The following PIK3C2G variants were observed in gnomAD, a reference collection of about 807,000 sequenced individuals.
PIK3C2G encodes the protein phosphatidylinositol 3-kinase C2 domain-containing subunit gamma.
Under a neutral mutation model 181.1 loss-of-function variants are expected in PIK3C2G, and 168 were observed. That is an observed-to-expected ratio of 0.93 (90% confidence interval 0.82 to 1.05). PIK3C2G has a LOEUF of 1.05. Ranked by LOEUF, PIK3C2G falls within the 50% of genes least tolerant of loss-of-function variation. The pLI, the probability that PIK3C2G is intolerant of heterozygous loss-of-function variation, is 0.00. For missense variants in PIK3C2G, 1,869 were observed against 1,732.8 expected (o/e 1.08, Z -1.40); for synonymous variants, 573 against 592.2 (o/e 0.97, Z 0.47).
At chr12:18,373,226 T>A (rs933597421) in intron 13 of PIK3C2G, among the ~76,000 whole-genome samples, 1 of 152,176 alleles carries the variant, frequency 6.6e-6, no homozygotes, top group South Asian at 2.1e-4. Context: ...TCACAGCAAA[T>A]TGGTGACTGA....
intron 18 of PIK3C2G, among the ~76,000 whole-genome samples, chr12:18,474,282 T>C (rs545133181): frequency 1.3e-5 from 2 of 152,238 alleles, no homozygotes; most frequent in East Asian, 1.9e-4. Flanking sequence ...AACTCAGATA[T>C]AGCCAACTCC....
intron 22 of PIK3C2G, among the ~76,000 whole-genome samples, chr12:18,499,872 A>T (rs1941289132): frequency 6.6e-6 from 1 of 152,230 alleles, no homozygotes; most frequent in Admixed American, 6.5e-5. Flanking sequence ...AGAAATGCAG[A>T]ATCTCAGGCC....
At chr12:18,623,101 T>A (rs1024603840) in intron 31 of PIK3C2G, among the ~76,000 whole-genome samples, 1 of 151,818 alleles carries the variant, frequency 6.6e-6, no homozygotes, top group Non-Finnish European at 1.5e-5. Context: ...TGGGATCAAA[T>A]CTAAAAAATC....
intron 13 of PIK3C2G, among the ~76,000 whole-genome samples, chr12:18,376,276 G>T (rs1281365395): frequency 6.6e-6 from 1 of 152,192 alleles, no homozygotes; most frequent in Admixed American, 6.5e-5. Flanking sequence ...TGGAATGTGG[G>T]ATATGGAGTC....
At chr12:18,335,165 G>A (rs1394426536) in intron 8 of PIK3C2G, among the ~76,000 whole-genome samples, 1 of 152,040 alleles carries the variant, frequency 6.6e-6, no homozygotes, top group East Asian at 1.9e-4. Context: ...TTTACAGGTG[G>A]CTGCTATCCA....
chr12:18,466,791 C>CT (rs574369757), intron 18 of PIK3C2G, among the ~76,000 whole-genome samples: 1 of 152,066 alleles, frequency 6.6e-6, no homozygotes, highest in South Asian at 2.1e-4. Context: ...TAAGATGACT[C>CT]TAAGGTCAGA....
chr12:18,274,684 A>T (rs1184634812), intron 1 of PIK3C2G, among the ~76,000 whole-genome samples: 3 of 152,200 alleles, frequency 2.0e-5, no homozygotes, highest in African/African-American at 7.2e-5. Flanking sequence ...GGATAGCATT[A>T]GGAGATACAC....
chr12:18,445,286 G>C (rs1282802353), intron 18 of PIK3C2G, among the ~76,000 whole-genome samples: 1 of 151,990 alleles, frequency 6.6e-6, no homozygotes, highest in East Asian at 1.9e-4. Flanking sequence ...ACCCATAAAA[G>C]TGGTTTAAGA....
intron 16 of PIK3C2G, among the ~76,000 whole-genome samples, chr12:18,410,887 C>T (rs948030209): frequency 5.3e-5 from 8 of 152,066 alleles, no homozygotes; most frequent in South Asian, 2.1e-4. Context: ...GTAAAATCAA[C>T]GTGTAATTAT....
chr12:18,293,160 A>G (rs1949785666), intron 4 of PIK3C2G, among the ~76,000 whole-genome samples: 1 of 152,114 alleles, frequency 6.6e-6, no homozygotes, highest in African/African-American at 2.4e-5. Flanking sequence ...ACACTTTTAA[A>G]TTTACTGGCC....
At position 18,507,879 on chromosome 12, in the gene PIK3C2G, G is replaced by A. The variant is rs1941943105; in HGVS notation, c.3323+2418G>A. ...AAGTTCATATACCACGGTCTGTAGA[G>A]AATATCAAGCTCCAGTTTAGCTGCT... On this transcript the variant is annotated intron_variant, in intron 24 of 32. Coordinates refer to ENST00000538779, the MANE Select transcript of PIK3C2G (RefSeq NM_001288772.2). 2.6e-5 allele frequency among the ~76,000 whole-genome samples: 4 copies of A among 152,298 alleles called. No individual in the cohort carries two copies. The South Asian group carries it at 8.3e-4, about 32-fold the overall frequency.
chr12:18,701,606 ATCCTCCTCCTCCTCCTCCTCCTCCTCC>A, the PIK3C2G span: 8 of 1,524,970 alleles, frequency 5.2e-6, no homozygotes, highest in East Asian at 2.4e-5. Flanking sequence ...CTTTGAATTT[ATCCTCCTCCTCCTCCTCCTCCTCCTCC>A]TCCTCCTCCT....
intron 32 of PIK3C2G, among the ~76,000 whole-genome samples, chr12:18,646,167 T>C (rs1295373519): frequency 6.6e-6 from 1 of 152,192 alleles, no homozygotes; most frequent in African/African-American, 2.4e-5. Context: ...GAAAACTCAA[T>C]AGATGAAATG....
At chr12:18,500,242 G>A (rs1054836634) in intron 22 of PIK3C2G, among the ~76,000 whole-genome samples, 18 of 151,800 alleles carry the variant, frequency 1.2e-4, no homozygotes, top group African/African-American at 4.4e-4. Context: ...CACTCGGAGC[G>A]GCCGGCCGGC....
At chr12:18,664,280 C>T in the PIK3C2G span, among the ~76,000 whole-genome samples, 1 of 152,004 alleles carries the variant, frequency 6.6e-6, no homozygotes, top group African/African-American at 2.4e-5. Context: ...GAATATATAC[C>T]AAAAAACACT....
At chr12:18,712,197 A>C in the PIK3C2G span, among the ~76,000 whole-genome samples, 3 of 152,148 alleles carry the variant, frequency 2.0e-5, no homozygotes, top group South Asian at 6.2e-4. Context: ...TTACAAAAAC[A>C]ACACAATGTC....
Position 18,480,112 on chromosome 12 carries a change from C to A in PIK3C2G, c.2505-8337C>A, listed in dbSNP as rs373542667. Among the ~76,000 whole-genome samples, 745 of 152,094 alleles carry A rather than the reference C, an allele frequency of 4.9e-3. 3 individuals are homozygous for A. The highest frequency in any genetic ancestry group is 0.017 in the African/African-American group (705 of 41,498). ...CTTGGGGATCAGGAAAGGAGAAAACCAAAATGAGCGAAAAGGGAGGTGGGA... is the reference window on the plus strand; with the variant it reads ...CTTGGGGATCAGGAAAGGAGAAAACAAAAATGAGCGAAAAGGGAGGTGGGA... On this transcript the variant is annotated intron_variant, in intron 18 of 32. Coordinates refer to ENST00000538779, the MANE Select transcript of PIK3C2G (RefSeq NM_001288772.2).
intron 16 of PIK3C2G, among the ~76,000 whole-genome samples, chr12:18,419,363 T>C (rs1191199739): frequency 6.6e-6 from 1 of 152,134 alleles, no homozygotes; most frequent in East Asian, 1.9e-4. Context: ...GCAACAAAAC[T>C]TACCTAGTAA....
At chr12:18,649,118 T>C (rs1950310131), downstream of PIK3C2G, among the ~76,000 whole-genome samples, 1 of 152,116 alleles carries the variant, frequency 6.6e-6, no homozygotes, top group Non-Finnish European at 1.5e-5. Context: ...TCTATTACTC[T>C]CCCTTTCTGC....
Sources: gnomAD v4.1 joint callset for allele counts (sites outside exome capture counted in the v4.1 genomes callset) on GRCh38, gnomAD v4.1.1 for gene constraint, MANE v1.5 for transcripts, NCBI Gene and HGNC (gene_info 2026-07-23, HGNC 2026-07-21) for gene names.